Variants in MICAL2 observed in about 807,000 individuals in gnomAD.
MICAL2 encodes [F-actin]-monooxygenase MICAL2.
In MICAL2, 77 loss-of-function variants were observed where a neutral mutation model predicts 127.3. The observed-to-expected ratio is 0.60, with a 90% CI of 0.50 to 0.73. The LOEUF (loss-of-function observed/expected upper bound fraction) is 0.73. Among genes scored for constraint, MICAL2 ranks in the 30% least tolerant of loss-of-function variants. The pLI, the probability that MICAL2 is intolerant of heterozygous loss-of-function variation, is 0.00. For missense variants in MICAL2, 1,351 were observed against 1,434.4 expected (o/e 0.94, Z 0.94); for synonymous variants, 570 against 551.1 (o/e 1.03, Z -0.48).
chr11:12,227,940 A>C (rs79909077), intron 15 of MICAL2, among the ~76,000 whole-genome samples: 9 of 152,234 alleles, frequency 5.9e-5, no homozygotes, highest in Non-Finnish European at 1.3e-4. Flanking sequence ...TGGGCATCAC[A>C]TGCCTAAGGA....
intron 3 of MICAL2, among the ~76,000 whole-genome samples, chr11:12,174,640 G>T (rs564907012): frequency 2.6e-5 from 4 of 151,578 alleles, no homozygotes; most frequent in African/African-American, 7.3e-5. Context: ...ATGTGGTGAT[G>T]AACACTGACG....
intron 32 of MICAL2, among the ~76,000 whole-genome samples, chr11:12,348,252 A>G (rs11022319): frequency 0.35 from 52,574 of 151,912 alleles, 10,405 homozygotes; most frequent in African/African-American, 0.53. Flanking sequence ...CATACCAAAC[A>G]CAATGCCTAC....
chr11:12,129,340 C>A (rs1250478276), intron 1 of MICAL2, among the ~76,000 whole-genome samples: 1 of 152,186 alleles, frequency 6.6e-6, no homozygotes, highest in Non-Finnish European at 1.5e-5. Context: ...ATTCATATTT[C>A]ATTTGGTCTT....
At chr11:12,330,569 A>G (rs1415078414) in intron 32 of MICAL2, among the ~76,000 whole-genome samples, 1 of 152,020 alleles carries the variant, frequency 6.6e-6, no homozygotes, top group African/African-American at 2.4e-5. Context: ...GGGGTGCGGG[A>G]TGGAGGGCAA....
rs1850193113 is a variant in MICAL2, at chr11:12,118,128, T to C, written c.-149+7402T>C. Among the ~76,000 whole-genome samples, 3 of 152,206 alleles carry C rather than the reference T, an allele frequency of 2.0e-5. No homozygotes were observed. In the South Asian group the frequency reaches 6.2e-4, roughly 31 times the overall value. On this transcript the variant is annotated intron_variant, in intron 1 of 27. Coordinates refer to ENST00000683283, the MANE Select transcript of MICAL2 (RefSeq NM_001282663.2). ...CCCCAACCAGATGACCTAGAAGGTC[T>C]TGCTTGGGCGTGTTGGTTATCTTGT... is the stretch of plus-strand genomic sequence containing the variant.
rs148506297 is a variant in MICAL2 at position 12,191,235 on chromosome 11, C to T, written c.265-13015C>T. On this transcript the variant is annotated intron_variant, in intron 3 of 27. Transcript: ENST00000683283. ...ATCCCAGCACTTTGGGAGGCTGAGG[C>T]GGGCAGATCATTTGAGGTCAGGAGT... is the stretch of plus-strand genomic sequence containing the variant. Among the ~76,000 whole-genome samples the T allele has an allele frequency of 6.9e-3, 1,052 of 152,046 alleles. 10 individuals are homozygous for T. The highest frequency in any genetic ancestry group is 0.023 in the African/African-American group (972 of 41,460).
Position 12,175,915 on chromosome 11 carries a change from G to T in MICAL2, c.264+13496G>T, listed in dbSNP as rs11822098. Among the ~76,000 whole-genome samples, 797 of 152,068 alleles carry T rather than the reference G, an allele frequency of 5.2e-3. 12 individuals are homozygous for T. The highest frequency in any genetic ancestry group is 0.017 in the Middle Eastern group (5 of 292). On this transcript the variant is annotated intron_variant, in intron 3 of 27. Coordinates refer to ENST00000683283, the MANE Select transcript of MICAL2 (RefSeq NM_001282663.2). ...TGGGCCAGAGAGAGAGTGGGGTTGGGCCTTGGAACCCTTGAAAGGACTTGG... is the reference window on the plus strand; with the variant it reads ...TGGGCCAGAGAGAGAGTGGGGTTGGTCCTTGGAACCCTTGAAAGGACTTGG...
At chr11:12,337,669 G>A (rs1301315635) in intron 32 of MICAL2, among the ~76,000 whole-genome samples, 2 of 152,000 alleles carry the variant, frequency 1.3e-5, no homozygotes, top group East Asian at 3.9e-4. Context: ...GTTCTCGTTG[G>A]TTTCAAAGAA....
intron 13 of MICAL2, among the ~76,000 whole-genome samples, chr11:12,225,061 A>AC (rs1176168340): frequency 7.3e-6 from 1 of 137,876 alleles, no homozygotes; most frequent in East Asian, 2.3e-4. Flanking sequence ...TTGACACCTC[A>AC]CCCCCCACTA....
chr11:12,152,283 G>T (rs1853667327), intron 2 of MICAL2, among the ~76,000 whole-genome samples: 1 of 54,188 alleles, frequency 1.8e-5, no homozygotes, highest in African/African-American at 7.9e-5. Context: ...TGGCAACAAA[G>T]CAAGACTCTG....
chr11:12,333,318 C>G (rs925578920), intron 32 of MICAL2, among the ~76,000 whole-genome samples: 1 of 151,110 alleles, frequency 6.6e-6, no homozygotes, highest in Non-Finnish European at 1.5e-5. Context: ...GAAGGAAAAT[C>G]ATTTGACACA....
At chr11:12,256,180 A>G (rs150567709) in intron 23 of MICAL2, 335 of 164,666 alleles carry the variant, frequency 2.0e-3, no homozygotes, top group Non-Finnish European at 3.5e-3. Context: ...CGCTGCCATC[A>G]CCAGGAATTT....
At chr11:12,264,007 C>G (rs1267213326), downstream of MICAL2, among the ~76,000 whole-genome samples, 1 of 152,122 alleles carries the variant, frequency 6.6e-6, no homozygotes, top group African/African-American at 2.4e-5. Flanking sequence ...GGATCTCTTT[C>G]TTGAACACTC....
At position 12,255,765 on chromosome 11, in the gene MICAL2, C is replaced by T; in HGVS notation, c.2955+15C>T. The stretch of plus-strand genomic sequence containing the variant: ...CTCCAGACCTGGTAAGGACATGCAC[C>T]CCCAGCCTTCACCCACAGACACTGG... On this transcript the variant is annotated intron_variant, in intron 23 of 27. Coordinates refer to ENST00000683283, the MANE Select transcript of MICAL2 (RefSeq NM_001282663.2). 1 of 1,599,222 alleles carries T rather than the reference C, an allele frequency of 6.3e-7. No homozygotes were observed. The highest frequency in any genetic ancestry group is 1.7e-4 in the Middle Eastern group (1 of 6,036).
intron 34 of MICAL2, chr11:12,354,885 A>T: frequency 6.2e-7 from 1 of 1,603,464 alleles, no homozygotes. Context: ...TTTGTTGAGA[A>T]CTTCCCCCTA....
chr11:12,217,690 C>T (rs1266221458), intron 8 of MICAL2, among the ~76,000 whole-genome samples: 2 of 152,102 alleles, frequency 1.3e-5, no homozygotes, highest in Non-Finnish European at 2.9e-5. Context: ...TAAGGTCACC[C>T]TCAGGTCATC....
Position 12,239,476 on chromosome 11 carries a change from A to T in MICAL2, c.2105A>T (p.Glu702Val). 1 of 1,614,176 alleles carries T rather than the reference A, an allele frequency of 6.2e-7. No homozygotes were observed. Among genetic ancestry groups the T allele is most frequent in the Non-Finnish European group, 8.5e-7 (1 of 1,180,036 alleles). The change falls in exon 17 of 28, where the codon GAG (glutamate) becomes GTG (valine). Residue 702 changes from glutamate to valine, a missense_variant. Physicochemically the swap from Glu to Val is moderately radical, Grantham distance 121. Around this residue, in one of 2 missense-constraint regions of MICAL2, gnomAD observed 752 missense variants for 719.4 expected, o/e 1.05. Coordinates refer to ENST00000683283, the MANE Select transcript of MICAL2 (RefSeq NM_001282663.2). ...FSSRSLGSNQ[E>V]CGSSKEGGNQ... ...AGCCGTAGCTTGGGCTCCAATCAAG[A>T]GTGTGGGAGCAGTAAGGAAGGTGGA...
chr11:12,345,030 T>C (rs902655948), intron 32 of MICAL2, among the ~76,000 whole-genome samples: 1 of 150,560 alleles, frequency 6.6e-6, no homozygotes, highest in Non-Finnish European at 1.5e-5. Context: ...GAGAATGGTG[T>C]GAACCCGGGA....
chr11:12,252,253 A>ACC (rs1861648636), intron 22 of MICAL2, among the ~76,000 whole-genome samples: 1 of 152,222 alleles, frequency 6.6e-6, no homozygotes, highest in Non-Finnish European at 1.5e-5. Context: ...CAGGGGCTAA[A>ACC]TTTCTTGGCA....
Sources: allele counts gnomAD v4.1 joint callset (sites outside exome capture counted in the v4.1 genomes callset), GRCh38; gene constraint gnomAD v4.1.1; regional missense constraint gnomAD v4.1.1; transcripts MANE v1.5; gene names NCBI Gene and HGNC (gene_info 2026-07-23, HGNC 2026-07-21).